Variants in CSMD3 observed in about 807,000 individuals in gnomAD.
The protein encoded by CSMD3 is CUB and Sushi multiple domains 3, also known as CUB and sushi domain-containing protein 3.
Under a neutral mutation model 435.2 loss-of-function variants are expected in CSMD3, and 177 were observed. The observed-to-expected ratio is 0.41, with a 90% CI of 0.36 to 0.46. The LOEUF (loss-of-function observed/expected upper bound fraction) is 0.46, where lower values mean the gene tolerates loss of function less well. Ranked by LOEUF, CSMD3 falls within the 20% of genes least tolerant of loss-of-function variation. CSMD3 has a pLI of 0.34. For missense variants in CSMD3, 4,265 were observed against 4,504.6 expected, an observed-to-expected ratio of 0.95 and a Z score of 1.52; for synonymous variants, 1,656 against 1,520.5, an observed-to-expected ratio of 1.09 and a Z score of -2.07.
intron 22 of CSMD3, among the ~76,000 whole-genome samples, chr8:112,624,747 C>A (rs2131532071): frequency 6.6e-6 from 1 of 152,076 alleles, no homozygotes; most frequent in Non-Finnish European, 1.5e-5. Context: ...AGTGTTATTT[C>A]ACTTCTTTCT....
At chr8:112,996,204 C>A (rs2131043811) in intron 6 of CSMD3, among the ~76,000 whole-genome samples, 1 of 151,438 alleles carries the variant, frequency 6.6e-6, no homozygotes, top group East Asian at 1.9e-4. Context: ...ATCTCTTGAA[C>A]TTATACCTCC....
intron 13 of CSMD3, among the ~76,000 whole-genome samples, chr8:112,760,866 A>T (rs757913015): frequency 6.6e-6 from 1 of 152,122 alleles, no homozygotes; most frequent in African/African-American, 2.4e-5. Flanking sequence ...CTTTGAGTTA[A>T]AAGTCTTTTG....
At chr8:112,815,447 G>C (rs1473694223) in intron 12 of CSMD3, among the ~76,000 whole-genome samples, 1 of 152,002 alleles carries the variant, frequency 6.6e-6, no homozygotes, top group African/African-American at 2.4e-5. Flanking sequence ...ACACATCTTT[G>C]TATTCAAAGT....
chr8:112,445,824 T>C (rs1274255449), intron 32 of CSMD3, among the ~76,000 whole-genome samples: 1 of 152,182 alleles, frequency 6.6e-6, no homozygotes, highest in South Asian at 2.1e-4. Flanking sequence ...CCAAGCCAAG[T>C]GTATATTTCA....
At chr8:112,517,489 C>A (rs1823798266) in intron 27 of CSMD3, among the ~76,000 whole-genome samples, 1 of 151,838 alleles carries the variant, frequency 6.6e-6, no homozygotes, top group Admixed American at 6.6e-5. Context: ...AAGAAAGCTT[C>A]ATACTGGGAA....
chr8:113,043,483 C>G (rs2087708740), intron 5 of CSMD3, among the ~76,000 whole-genome samples: 1 of 152,116 alleles, frequency 6.6e-6, no homozygotes, highest in Admixed American at 6.6e-5. Context: ...GCTCAGTATC[C>G]TCAGTATCCT....
At chr8:112,310,678 T>G in intron 50 of CSMD3, 1 of 430,058 alleles carries the variant, frequency 2.3e-6, no homozygotes, top group South Asian at 2.1e-5. Context: ...CTTCCTCTCT[T>G]TCAATAATTG....
chr8:113,269,298 T>G (rs968357688), intron 3 of CSMD3, among the ~76,000 whole-genome samples: 9 of 151,922 alleles, frequency 5.9e-5, no homozygotes, highest in Non-Finnish European at 1.0e-4. Context: ...CACTGCTCAA[T>G]GAAATAAAAG....
At chr8:113,148,870 A>G (rs1176533900) in intron 4 of CSMD3, among the ~76,000 whole-genome samples, 1 of 151,658 alleles carries the variant, frequency 6.6e-6, no homozygotes, top group Non-Finnish European at 1.5e-5. Flanking sequence ...AAGTGAAGCA[A>G]CAGTATTTAC....
Position 112,352,379 on chromosome 8 carries a change from C to T in CSMD3, c.6255+37G>A, listed in dbSNP as rs1463245993. On this transcript the variant is annotated intron_variant, in intron 39 of 70. Coordinates refer to ENST00000297405, the MANE Select transcript of CSMD3 (RefSeq NM_198123.2). ...GATTTGTAAAATATTCTGAAAGGGC[C>T]ATGAAAATCAAAACCACAACTTTAA... is the stretch of plus-strand genomic sequence containing the variant. The T allele has an allele frequency of 3.1e-6, 5 of 1,611,084 alleles. No individual in the cohort carries two copies. In the South Asian group the frequency reaches 5.5e-5, roughly 18 times the overall value.
At chr8:113,156,487 T>A (rs971458576) in intron 4 of CSMD3, among the ~76,000 whole-genome samples, 1 of 151,940 alleles carries the variant, frequency 6.6e-6, no homozygotes, top group African/African-American at 2.4e-5. Flanking sequence ...CCCCAATGCC[T>A]AGCATACTAA....
At chr8:112,884,866 TA>T (rs1212651361) in intron 10 of CSMD3, among the ~76,000 whole-genome samples, 7 of 151,756 alleles carry the variant, frequency 4.6e-5, no homozygotes, top group Non-Finnish European at 7.4e-5. Context: ...AAGAAAGAAA[TA>T]AAAATGTTGT....
chr8:113,259,936 G>A (rs1435717915), intron 3 of CSMD3, among the ~76,000 whole-genome samples: 1 of 152,042 alleles, frequency 6.6e-6, no homozygotes, highest in Non-Finnish European at 1.5e-5. Flanking sequence ...ATTGAATCAT[G>A]GGGGTGGTTT....
intron 18 of CSMD3, among the ~76,000 whole-genome samples, chr8:112,654,270 TG>T (rs890072583): frequency 1.3e-5 from 2 of 152,208 alleles, no homozygotes; most frequent in Non-Finnish European, 2.9e-5. Flanking sequence ...ACCTTCAGCT[TG>T]GGAAACAGTA....
chr8:113,219,184 A>G (rs2092939677), intron 3 of CSMD3, among the ~76,000 whole-genome samples: 1 of 151,412 alleles, frequency 6.6e-6, no homozygotes, highest in African/African-American at 2.4e-5. Flanking sequence ...GGGCATGGGT[A>G]TCTACCATTT....
At chr8:112,454,629 A>G (rs977088973) in intron 32 of CSMD3, among the ~76,000 whole-genome samples, 2 of 152,162 alleles carry the variant, frequency 1.3e-5, no homozygotes, top group Admixed American at 6.5e-5. Context: ...GAACACCTAT[A>G]TACAGTTGGT....
intron 3 of CSMD3, among the ~76,000 whole-genome samples, chr8:113,190,749 G>C (rs2092573045): frequency 6.6e-6 from 1 of 150,890 alleles, no homozygotes; most frequent in Admixed American, 6.6e-5. Context: ...GATTTTTGTT[G>C]AAACAGTGAA....
chr8:113,265,290 T>C (rs1434600454), intron 3 of CSMD3, among the ~76,000 whole-genome samples: 2 of 151,402 alleles, frequency 1.3e-5, no homozygotes, highest in African/African-American at 2.4e-5. Context: ...CAGGGTGTTC[T>C]GAGCAGAAAC....
chr8:112,695,562 T>G (rs1481324218), intron 13 of CSMD3, among the ~76,000 whole-genome samples: 3 of 152,064 alleles, frequency 2.0e-5, no homozygotes, highest in Non-Finnish European at 2.9e-5. Context: ...CAATAAATTA[T>G]GTATTGATGG....
Sources: allele counts gnomAD v4.1 joint callset (sites outside exome capture counted in the v4.1 genomes callset), GRCh38; gene constraint gnomAD v4.1.1; transcripts MANE v1.5; gene names NCBI Gene and HGNC (gene_info 2026-07-23, HGNC 2026-07-21).